The following SUGCT variants were observed in gnomAD, a reference collection of about 807,000 sequenced individuals.
SUGCT encodes the protein succinyl-CoA:glutarate CoA-transferase.
In SUGCT, 41 loss-of-function variants were observed where a neutral mutation model predicts 55.0. That is an observed-to-expected ratio of 0.74 (90% confidence interval 0.58 to 0.97). The LOEUF (loss-of-function observed/expected upper bound fraction) is 0.97, where lower values mean the gene tolerates loss of function less well. Ranked by LOEUF, SUGCT falls within the 50% of genes least tolerant of loss-of-function variation. The pLI is 0.00. For synonymous variants in SUGCT, 187 were observed against 200.4 expected (o/e 0.93, Z 0.56); for missense variants, 568 against 547.8 (o/e 1.04, Z -0.37).
intron 10 of SUGCT, among the ~76,000 whole-genome samples, chr7:40,455,951 A>G (rs760587458): frequency 2.0e-5 from 3 of 152,200 alleles, no homozygotes; most frequent in Non-Finnish European, 4.4e-5. Flanking sequence ...AACTCTTCAT[A>G]ATTTTCTCCT....
At chr7:40,981,439 A>G in the SUGCT span, among the ~76,000 whole-genome samples, 1 of 152,132 alleles carries the variant, frequency 6.6e-6, no homozygotes, top group Non-Finnish European at 1.5e-5. Context: ...TGGCTGATTA[A>G]ATGGAGAAAC....
intron 8 of SUGCT, among the ~76,000 whole-genome samples, chr7:40,275,745 T>A (rs995950791): frequency 6.6e-6 from 1 of 152,142 alleles, no homozygotes; most frequent in Non-Finnish European, 1.5e-5. Flanking sequence ...AGACCCCAGA[T>A]AAAGAATTCC....
intron 11 of SUGCT, among the ~76,000 whole-genome samples, chr7:40,461,931 G>A (rs188097052): frequency 6.6e-6 from 1 of 152,146 alleles, no homozygotes; most frequent in Non-Finnish European, 1.5e-5. Context: ...GATTCAAAAG[G>A]CTACACCTTT....
At chr7:40,954,541 G>T in the SUGCT span, among the ~76,000 whole-genome samples, 9 of 152,140 alleles carry the variant, frequency 5.9e-5, no homozygotes, top group Admixed American at 5.9e-4. Context: ...CTTCTGCGTC[G>T]CTCACACTGG....
intron 12 of SUGCT, among the ~76,000 whole-genome samples, chr7:40,598,080 G>A (rs1049084186): frequency 6.6e-6 from 1 of 152,216 alleles, no homozygotes; most frequent in African/African-American, 2.4e-5. Flanking sequence ...TCACAGACAA[G>A]TGGATTCTCA....
chr7:41,020,515 G>A, the SUGCT span, among the ~76,000 whole-genome samples: 3 of 152,192 alleles, frequency 2.0e-5, 1 homozygote, highest in Admixed American at 1.3e-4. Context: ...AAATAGTGAT[G>A]ACTGATGTAA....
the SUGCT span, among the ~76,000 whole-genome samples, chr7:40,961,122 A>G: frequency 6.6e-6 from 1 of 152,100 alleles, no homozygotes; most frequent in Non-Finnish European, 1.5e-5. Context: ...CACACTCAGC[A>G]CCCCCACACT....
chr7:40,198,937 G>C (rs1786442102), intron 6 of SUGCT, among the ~76,000 whole-genome samples: 1 of 151,580 alleles, frequency 6.6e-6, no homozygotes, highest in South Asian at 2.1e-4. Flanking sequence ...AGGTTGCAGT[G>C]AGCCGAAATC....
intron 11 of SUGCT, among the ~76,000 whole-genome samples, chr7:40,493,166 G>A (rs1350695012): frequency 6.6e-6 from 1 of 152,172 alleles, no homozygotes; most frequent in East Asian, 1.9e-4. Flanking sequence ...TTGGAGTTAA[G>A]CAGTCTCAGC....
At chr7:40,422,833 A>AC (rs1213342215) in intron 9 of SUGCT, among the ~76,000 whole-genome samples, 3 of 151,604 alleles carry the variant, frequency 2.0e-5, no homozygotes, top group Non-Finnish European at 4.4e-5. Flanking sequence ...AAAAAAAAAA[A>AC]CCACCAACTC....
the SUGCT span, among the ~76,000 whole-genome samples, chr7:40,984,027 G>A: frequency 6.6e-6 from 1 of 152,084 alleles, no homozygotes; most frequent in Admixed American, 6.5e-5. Context: ...TAGGCGAGGG[G>A]TAGGGCCACG....
intron 12 of SUGCT, among the ~76,000 whole-genome samples, chr7:40,624,956 A>T (rs191633267): frequency 1.3e-5 from 2 of 152,208 alleles, no homozygotes; most frequent in East Asian, 3.9e-4. Context: ...CCCACTTATC[A>T]TAGTGCATTC....
intron 12 of SUGCT, among the ~76,000 whole-genome samples, chr7:40,592,172 TTCTC>T (rs1198531439): frequency 2.0e-5 from 3 of 152,320 alleles, no homozygotes; most frequent in South Asian, 2.1e-4. Context: ...TTGGCTTAGA[TTCTC>T]TCTAAGATCA....
At chr7:40,835,904 T>TC (rs1260189845) in intron 13 of SUGCT, among the ~76,000 whole-genome samples, 20 of 146,752 alleles carry the variant, frequency 1.4e-4, no homozygotes, top group East Asian at 2.2e-4. Context: ...TTTTTTTTTT[T>TC]TTTGGTGAGA....
At chr7:40,502,378 A>G (rs919013361) in intron 12 of SUGCT, among the ~76,000 whole-genome samples, 1 of 152,076 alleles carries the variant, frequency 6.6e-6, no homozygotes, top group Non-Finnish European at 1.5e-5. Flanking sequence ...AAGAGTAATT[A>G]GTACCAGCTA....
intron 10 of SUGCT, among the ~76,000 whole-genome samples, chr7:40,452,434 C>G (rs1789242881): frequency 1.3e-5 from 2 of 152,008 alleles, no homozygotes; most frequent in South Asian, 4.1e-4. Context: ...GTCCTTTAGC[C>G]CCATTCCCGA....
chr7:41,020,560 C>A, the SUGCT span, among the ~76,000 whole-genome samples: 1 of 152,138 alleles, frequency 6.6e-6, no homozygotes, highest in Admixed American at 6.5e-5. Context: ...GGTATAGATG[C>A]CATTCTAACT....
chr7:40,697,447 C>G (rs1562951791), intron 12 of SUGCT, among the ~76,000 whole-genome samples: 3 of 151,994 alleles, frequency 2.0e-5, no homozygotes, highest in Non-Finnish European at 4.4e-5. Flanking sequence ...CCAGCCTGGC[C>G]AACGTGGTGA....
chr7:40,578,425 G>A (rs1796892782), intron 12 of SUGCT, among the ~76,000 whole-genome samples: 1 of 151,976 alleles, frequency 6.6e-6, no homozygotes, highest in South Asian at 2.1e-4. Flanking sequence ...TTGGGGTGTG[G>A]TATGGGTATC....
Sources: gnomAD v4.1 joint callset for allele counts (sites outside exome capture counted in the v4.1 genomes callset) on GRCh38, gnomAD v4.1.1 for gene constraint, MANE v1.5 for transcripts, NCBI Gene and HGNC (gene_info 2026-07-23, HGNC 2026-07-21) for gene names.